TRIM67: variants seen among roughly 807,000 people sequenced by gnomAD.
TRIM67 encodes tripartite motif containing 67.
A neutral mutation model predicts 71.0 loss-of-function variants in TRIM67; 39 were observed. That is an observed-to-expected ratio of 0.55 (90% CI 0.43 to 0.72). The LOEUF is 0.72. Ranked by LOEUF, TRIM67 falls within the 30% of genes least tolerant of loss-of-function variation. TRIM67 has a pLI of 0.00. For missense variants in TRIM67, 973 were observed against 1,079.2 expected (o/e 0.90, Z 1.38); for synonymous variants, 481 against 473.9 (o/e 1.01, Z -0.19).
chr1:231,204,225 G>A (rs1044212426), intron 6 of TRIM67, among the ~76,000 whole-genome samples: 1 of 152,188 alleles, frequency 6.6e-6, no homozygotes, highest in Admixed American at 6.5e-5. Flanking sequence ...GGGGCTGGAG[G>A]AGAACTCAGA....
intron 2 of TRIM67, 123 bp from the exon 3 acceptor site, chr1:231,198,924 A>G (rs1246386757): frequency 1.3e-6 from 2 of 1,487,824 alleles, no homozygotes; most frequent in Admixed American, 3.8e-5. Flanking sequence ...ATTTAACAAC[A>G]TTATAGAGAA....
At chr1:231,206,897 G>T in intron 7 of TRIM67, 107 bp downstream of exon 7, 1 of 1,268,028 alleles carries the variant, frequency 7.9e-7, no homozygotes, top group Non-Finnish European at 1.1e-6. Context: ...GGTGGGGGGT[G>T]GTGCTGGGCA....
At position 231,206,731 on chromosome 1, in the gene TRIM67, C is replaced by T. The variant is rs369007240; in HGVS notation, c.1760C>T (p.Ala587Val). 1 of 1,611,590 alleles carries T rather than the reference C, an allele frequency of 6.2e-7. No individual in the cohort carries two copies. The highest frequency in any genetic ancestry group is 1.7e-5 in the Admixed American group (1 of 59,654). ...AGCACCTACAACGCCCGAGTCAAAG[C>T]TTTCAACTCTTCTGGTGTCGGGCCT... The part of the protein sequence containing the change: ...FNSTYNARVK[A>V]FNSSGVGPYS... Residue 587 changes from alanine (A) to valine (V), a missense_variant, in exon 7 of 10, where the codon GCT becomes GTT. Coordinates refer to ENST00000366653, the MANE Select transcript of TRIM67 (RefSeq NM_001004342.5).
In TRIM67 at chr1:231,199,160, C is replaced by G; in HGVS notation, c.1254C>G (p.His418Gln). The G allele has an allele frequency of 1.2e-6, 2 of 1,613,952 alleles. No individual in the cohort carries two copies. Among genetic ancestry groups the G allele is most frequent in the Non-Finnish European group, 1.7e-6 (2 of 1,179,864 alleles). ...LLTKVTKERE[H>Q]KLKMVWDQIN... Reference sequence around the variant, plus strand: ...CCAAGGTGACTAAAGAGAGGGAACACAAGTTGAAGGTAGGTACCTGGGGGA... The same window carrying G: ...CCAAGGTGACTAAAGAGAGGGAACAGAAGTTGAAGGTAGGTACCTGGGGGA... Residue 418 changes from histidine (H) to glutamine (Q), a missense_variant, in exon 3 of 10, where the codon CAC becomes CAG. Coordinates refer to ENST00000366653, the MANE Select transcript of TRIM67 (RefSeq NM_001004342.5).
At chr1:231,181,101 G>A (rs1571877076) in intron 1 of TRIM67, among the ~76,000 whole-genome samples, 1 of 152,202 alleles carries the variant, frequency 6.6e-6, no homozygotes, top group African/African-American at 2.4e-5. Flanking sequence ...AAGTAGCTGG[G>A]ACTACAGGCA....
chr1:231,212,375 G>A (rs1214651442), intron 8 of TRIM67, among the ~76,000 whole-genome samples: 1 of 152,134 alleles, frequency 6.6e-6, no homozygotes, highest in African/African-American at 2.4e-5. Context: ...TCAGTTAATT[G>A]GGCTCTTTTG....
At position 231,185,281 on chromosome 1, in the gene TRIM67, C is replaced by G. The variant is rs1039360759; in HGVS notation, c.1045-12090C>G. ...CCTCACCCCTGGACCAGCTCTCCCT[C>G]CCACCCTCCTACACTGGAGGGATCT... is the stretch of plus-strand genomic sequence containing the variant. On this transcript the variant is annotated intron_variant, in intron 1 of 9. Coordinates refer to ENST00000366653, the MANE Select transcript of TRIM67 (RefSeq NM_001004342.5). 4.2e-6 allele frequency: 6 copies of G among 1,444,870 alleles called. No homozygotes were observed. The Admixed American group carries it at 7.9e-5, about 19-fold the overall frequency. The allele number at this position is 1,444,870 out of a possible 1,614,324, so 89.5% of individuals were successfully genotyped here.
chr1:231,206,884 A>T, intron 7 of TRIM67, 94 bp downstream of exon 7: 224 of 1,199,046 alleles, frequency 1.9e-4, no homozygotes, highest in East Asian at 3.0e-4. Context: ...ATGATGGGGT[A>T]GGGGTGGGGG....
At chr1:231,177,628 T>C (rs1428368603) in intron 1 of TRIM67, among the ~76,000 whole-genome samples, 1 of 152,246 alleles carries the variant, frequency 6.6e-6, no homozygotes, top group Non-Finnish European at 1.5e-5. Flanking sequence ...ACAGTCTCCA[T>C]GGGCATTTTT....
At chr1:231,169,218 T>C (rs1682557930) in intron 1 of TRIM67, among the ~76,000 whole-genome samples, 1 of 150,488 alleles carries the variant, frequency 6.6e-6, no homozygotes, top group Non-Finnish European at 1.5e-5. Context: ...CACACCCAGC[T>C]AATTTTTTGT....
At chr1:231,169,339 G>A (rs1470639928) in intron 1 of TRIM67, among the ~76,000 whole-genome samples, 5 of 147,890 alleles carry the variant, frequency 3.4e-5, no homozygotes, top group African/African-American at 1.2e-4. Context: ...ACAGGTGTGA[G>A]CCACTGCACC....
chr1:231,184,771 G>A, intron 1 of TRIM67: 1 of 550,450 alleles, frequency 1.8e-6, no homozygotes, highest in Non-Finnish European at 3.2e-6. Context: ...CATGAGTAGA[G>A]TGCCAGTCCC....
intron 4 of TRIM67, 126 bp downstream of exon 4, chr1:231,200,384 G>T (rs1683487236): frequency 1.6e-6 from 1 of 622,826 alleles, no homozygotes; most frequent in Non-Finnish European, 2.9e-6. Flanking sequence ...TTTGTTCAAT[G>T]ATTCCAGAAG....
chr1:231,162,999 C>T lies in TRIM67; in HGVS notation c.30C>T (p.Cys10=), dbSNP rs1276175026. 9.9e-6 allele frequency: 16 copies of T among 1,612,400 alleles called. No individual in the cohort carries two copies. The East Asian group carries it at 3.3e-4, about 34-fold the overall frequency. MEEELKCPV[C]GSLFREPIIL... Reference sequence around the variant, plus strand: ...AGGAAGAGCTGAAGTGTCCCGTGTGCGGCTCTCTGTTTCGGGAGCCTATCA... The same window carrying T: ...AGGAAGAGCTGAAGTGTCCCGTGTGTGGCTCTCTGTTTCGGGAGCCTATCA... The change falls in exon 1 of 10, where the codon TGC becomes TGT. Residue 10 remains cysteine (C), a synonymous_variant. Coordinates refer to ENST00000366653, the MANE Select transcript of TRIM67 (RefSeq NM_001004342.5).
rs1430718437 is a variant in TRIM67 at position 231,219,101 on chromosome 1, G to A, written c.*3661G>A. The A allele has an allele frequency of 1.0e-6, 1 of 985,568 alleles. No individual in the cohort carries two copies. Among genetic ancestry groups the A allele is most frequent in the Non-Finnish European group, 1.2e-6 (1 of 830,066 alleles). The allele number at this position is 985,568 out of a possible 1,614,324, so 61.1% of individuals were successfully genotyped here. On this transcript the variant is annotated 3_prime_UTR_variant, in exon 10 of 10. Coordinates refer to ENST00000366653, the MANE Select transcript of TRIM67 (RefSeq NM_001004342.5). ...GGCCACCTGCTGGCTTTGAGGTAGT[G>A]AGGGAGGGTCAATCCTTAGGGGGAG...
In TRIM67 at chr1:231,197,261, G is replaced by A. The variant is rs139587656; in HGVS notation, c.1045-110G>A. ...CTTCATCAATGAGAACAGCAGATGC[G>A]TGGGATCAGTCCTATCCCCTCTTAT... is the stretch of plus-strand genomic sequence containing the variant. On this transcript the variant is annotated intron_variant, in intron 1 of 9. Transcript: ENST00000366653. The A allele has an allele frequency of 7.0e-5, 54 of 773,150 alleles. No individual in the cohort carries two copies. The East Asian group carries it at 1.1e-3, about 15-fold the overall frequency. 47.9% of individuals were successfully genotyped at this position (773,150 alleles called of 1,614,324 possible).
intron 5 of TRIM67, among the ~76,000 whole-genome samples, chr1:231,202,482 G>A (rs534699806): frequency 6.6e-6 from 1 of 152,188 alleles, no homozygotes; most frequent in East Asian, 1.9e-4. Context: ...GACCCTAGAG[G>A]GTTAAGTAAA....
chr1:231,215,801 T>C lies in TRIM67; in HGVS notation c.*361T>C. On this transcript the variant is annotated 3_prime_UTR_variant, in exon 10 of 10. Transcript: ENST00000366653. ...GTCTTTTTTTGGAGGGAGAGGAAGG[T>C]AGACTTTGAGACTGGCCTCCTGAGA... 1 of 1,047,040 alleles carries C rather than the reference T, an allele frequency of 9.6e-7. No homozygotes were observed. The highest frequency in any genetic ancestry group is 1.1e-6 in the Non-Finnish European group (1 of 870,542). 64.9% of individuals were successfully genotyped at this position (1,047,040 alleles called of 1,614,324 possible). A position where few individuals can be genotyped will look rare whatever the true frequency, so the allele number is the denominator to read the frequency against.
At chr1:231,214,160 T>TG (rs1190430147) in intron 9 of TRIM67, among the ~76,000 whole-genome samples, 183 bp downstream of exon 9, 1 of 152,162 alleles carries the variant, frequency 6.6e-6, no homozygotes, top group Non-Finnish European at 1.5e-5. Flanking sequence ...CCTGTTCACT[T>TG]GGGACACCCA....
Sources: allele counts gnomAD v4.1 joint callset (sites outside exome capture counted in the v4.1 genomes callset), GRCh38; gene constraint gnomAD v4.1.1; transcripts MANE v1.5; gene names NCBI Gene and HGNC (gene_info 2026-07-23, HGNC 2026-07-21).